ANXA11: variants seen among roughly 807,000 people sequenced by gnomAD.
ANXA11 encodes the protein 56 kDa autoantigen.
A neutral mutation model predicts 64.7 loss-of-function variants in ANXA11; 57 were observed. The ratio of observed to expected loss-of-function variants is 0.88; its 90% CI spans 0.71 to 1.10. ANXA11 has a LOEUF of 1.10. ANXA11 is among the 50% of genes least tolerant of loss of function. The pLI is 0.00. For synonymous variants in ANXA11, 260 were observed against 265.2 expected, an observed-to-expected ratio of 0.98 and a Z score of 0.19; for missense variants, 675 against 670.7, an observed-to-expected ratio of 1.01 and a Z score of -0.07.
In ANXA11 at chr10:80,171,103, G is replaced by A. The variant is rs771002125; in HGVS notation, c.56-188C>T. The stretch of plus-strand genomic sequence containing the variant: ...TCCCCCTATCCCACTGGCAGAGGAG[G>A]GGAAACCTTCCCCTCTTCCCAGGGA... On this transcript the variant is annotated intron_variant, in intron 3 of 15. Transcript: ENST00000422982. The A allele has an allele frequency of 1.3e-5, 19 of 1,507,408 alleles. No individual in the cohort carries two copies. The East Asian group carries it at 4.3e-4, about 34-fold the overall frequency. The allele number at this position is 1,507,408 out of a possible 1,614,324, so 93.4% of individuals were successfully genotyped here.
Position 80,164,081 on chromosome 10 carries a change from G to C in ANXA11, c.921C>G (p.Ile307Met). 1.2e-6 allele frequency: 2 copies of C among 1,614,182 alleles called. No homozygotes were observed. Among genetic ancestry groups the C allele is most frequent in the Non-Finnish European group, 1.7e-6 (2 of 1,180,014 alleles). ...CTTTGTAGGCTCTGTTTAATTCTCG[G>C]ATGTGCTCATTGCTGCGGGAAGCGA... Reference protein sequence around the residue: ...EILASRSNEHIRELNRAYKAE... With the variant: ...EILASRSNEHMRELNRAYKAE... The change falls in exon 9 of 16, where the codon ATC becomes ATG. Residue 307 changes from isoleucine to methionine, a missense_variant. Ile to Met is a conservative substitution (Grantham distance 10). Transcript: ENST00000422982.
rs1282722426 is a variant in ANXA11 at position 80,157,688 on chromosome 10, A to G, written c.1411T>C (p.Ser471Pro). 6.2e-7 allele frequency: 1 copy of G among 1,613,730 alleles called. No homozygotes were observed. Residue 471 changes from serine (S) to proline (P), a missense_variant, in exon 15 of 16, where the codon TCA (serine) becomes CCA (proline). Ser to Pro is a moderately conservative substitution (Grantham distance 74). Transcript: ENST00000422982. ...RSETDLLDIR[S>P]EYKRMYGKSL... Reference sequence around the variant, plus strand: ...TTGCCGTACATCCGCTTATACTCTGATCTGATGTCCAGGAGGTCGGTCTCG... The same window carrying G: ...TTGCCGTACATCCGCTTATACTCTGGTCTGATGTCCAGGAGGTCGGTCTCG...
In ANXA11 at chr10:80,155,534, T is replaced by C. The variant is rs1845242012; in HGVS notation, c.*319A>G. 9 of 351,188 alleles carry C rather than the reference T, an allele frequency of 2.6e-5. No individual in the cohort carries two copies. The highest frequency in any genetic ancestry group is 8.8e-5 in the Admixed American group (2 of 22,718). The allele number at this position is 351,188 out of a possible 1,614,324, so 21.8% of individuals were successfully genotyped here. On this transcript the variant is annotated 3_prime_UTR_variant, in exon 16 of 16. Coordinates refer to ENST00000422982, the MANE Select transcript of ANXA11 (RefSeq NM_145868.2). ...GAAAATATGCCTCCAAATAAAAATA[T>C]ACAATTACATGACGAAATGAAGCCA...
intron 1 of ANXA11, among the ~76,000 whole-genome samples, chr10:80,185,403 G>A (rs952742653): frequency 6.6e-6 from 1 of 152,228 alleles, no homozygotes; most frequent in Admixed American, 6.5e-5. Context: ...GAGACAGGCA[G>A]ACAAGAGCAA....
rs764715158 is a variant in ANXA11 at position 80,169,361 on chromosome 10, G to A, written c.172-3C>T. 1 of 1,603,696 alleles carries A rather than the reference G, an allele frequency of 6.2e-7. No homozygotes were observed. Among genetic ancestry groups the A allele is most frequent in the South Asian group, 1.1e-5 (1 of 90,960 alleles). ...AATGTCCCAGACATGTTGGCCGCCT[G>A]CAAGGACACAAAGCAGAGCCTGAGG... On this transcript the variant is annotated splice_region_variant and splice_polypyrimidine_tract_variant and intron_variant, in intron 4 of 15. Transcript: ENST00000422982.
At chr10:80,203,279 T>G (rs1332670109) in intron 1 of ANXA11, among the ~76,000 whole-genome samples, 1 of 152,028 alleles carries the variant, frequency 6.6e-6, no homozygotes, top group African/African-American at 2.4e-5. Context: ...AAGCCACACA[T>G]CACCTCCCCA....
chr10:80,163,256 G>A, intron 11 of ANXA11, 93 bp downstream of exon 11: 3 of 1,433,698 alleles, frequency 2.1e-6, no homozygotes, highest in Non-Finnish European at 2.9e-6. Context: ...CTTATCTATT[G>A]TTCTTTCCAC....
intron 1 of ANXA11, among the ~76,000 whole-genome samples, chr10:80,202,210 G>GC: frequency 6.6e-6 from 1 of 151,584 alleles, no homozygotes; most frequent in East Asian, 1.9e-4. Flanking sequence ...GGGAAGCGGG[G>GC]GGTCTCTGTG....
rs993674156 is a variant in ANXA11, at chr10:80,151,273, A to T, written c.*4580T>A. 1 of 152,232 alleles carries T rather than the reference A, an allele frequency of 6.6e-6. No individual in the cohort carries two copies. Among genetic ancestry groups the T allele is most frequent in the Non-Finnish European group, 1.5e-5 (1 of 68,066 alleles). 9.4% of individuals were successfully genotyped at this position (152,232 alleles called of 1,614,324 possible). The stretch of plus-strand genomic sequence containing the variant: ...AAACACCAATATTAGGCCAAGGGGC[A>T]GCTTTCCAAGGAGTAGGGGCTGAGG... On this transcript the variant is annotated 3_prime_UTR_variant, in exon 16 of 16. Coordinates refer to ENST00000422982, the MANE Select transcript of ANXA11 (RefSeq NM_145868.2).
chr10:80,169,482 G>A (rs887532008), intron 4 of ANXA11, 124 bp from the exon 5 acceptor site: 9 of 1,137,430 alleles, frequency 7.9e-6, no homozygotes, highest in Non-Finnish European at 1.0e-5. Context: ...ATGAAGTACC[G>A]TTATACCCAT....
chr10:80,159,106 C>G lies in ANXA11; in HGVS notation c.1270G>C (p.Ala424Pro). 1 of 1,613,872 alleles carries G rather than the reference C, an allele frequency of 6.2e-7. No homozygotes were observed. The highest frequency in any genetic ancestry group is 8.5e-7 in the Non-Finnish European group (1 of 1,179,864). ...MSGDLEEGML[A>P]VVKCLKNTPA... ...GCAAACCTGAGACACTTACCCACGG[C>G]CAGCATGCCCTCCTCCAGGTCCCCG... The change falls in exon 13 of 16, where the codon GCC becomes CCC. Residue 424 changes from alanine (A) to proline (P), a missense_variant. Coordinates refer to ENST00000422982, the MANE Select transcript of ANXA11 (RefSeq NM_145868.2).
intron 1 of ANXA11, among the ~76,000 whole-genome samples, chr10:80,180,057 T>C (rs2573352): frequency 0.63 from 96,125 of 152,094 alleles, 31,427 homozygotes; most frequent in African/African-American, 0.8. Context: ...GGCTGCAAAA[T>C]GGCCTGTTCC....
chr10:80,173,783 C>T (rs1846067232), intron 2 of ANXA11, among the ~76,000 whole-genome samples: 2 of 152,236 alleles, frequency 1.3e-5, no homozygotes, highest in African/African-American at 2.4e-5. Context: ...TCAACAATCA[C>T]ACCTGCTCGT....
chr10:80,178,227 C>T (rs1846238719), intron 1 of ANXA11, among the ~76,000 whole-genome samples: 1 of 152,130 alleles, frequency 6.6e-6, no homozygotes, highest in African/African-American at 2.4e-5. Context: ...CTCTCTCTCT[C>T]TCTCTCTGGC....
intron 1 of ANXA11, among the ~76,000 whole-genome samples, chr10:80,179,316 G>A (rs1219252683): frequency 6.6e-6 from 1 of 152,208 alleles, no homozygotes; most frequent in Non-Finnish European, 1.5e-5. Flanking sequence ...CACTTGGAGA[G>A]CTGGCTAAAA....
At chr10:80,173,824 G>A (rs1459778831) in intron 2 of ANXA11, among the ~76,000 whole-genome samples, 2 of 152,104 alleles carry the variant, frequency 1.3e-5, no homozygotes, top group African/African-American at 4.8e-5. Flanking sequence ...TTACACACTG[G>A]GTTTCACGCT....
chr10:80,157,637 G>A lies in ANXA11; in HGVS notation c.1458+4C>T, dbSNP rs79950900. ...AGCCCAGTTGGCCTGCAGCAGGCCC[G>A]TACCGAGATGTCGTGGTACAGCGAC... is the stretch of plus-strand genomic sequence containing the variant. On this transcript the variant is annotated splice_donor_region_variant and intron_variant, in intron 15 of 15. Transcript: ENST00000422982. 9.5e-4 allele frequency: 1,524 copies of A among 1,612,450 alleles called. 7 individuals carry two copies. The African/African-American group carries it at 0.016, about 17-fold the overall frequency.
intron 11 of ANXA11, 36 bp downstream of exon 11, chr10:80,163,313 C>A: frequency 6.2e-7 from 1 of 1,611,674 alleles, no homozygotes; most frequent in Non-Finnish European, 8.5e-7. Context: ...TGCATCCCTG[C>A]TTTAGGAAGT....
At chr10:80,160,997 C>G (rs1412980379) in intron 12 of ANXA11, among the ~76,000 whole-genome samples, 1 of 152,146 alleles carries the variant, frequency 6.6e-6, no homozygotes, top group African/African-American at 2.4e-5. Context: ...TACCACCATT[C>G]CTCCCCGGGT....
Sources: gnomAD v4.1 joint callset for allele counts (sites outside exome capture counted in the v4.1 genomes callset) on GRCh38, gnomAD v4.1.1 for gene constraint, MANE v1.5 for transcripts, NCBI Gene and HGNC (gene_info 2026-07-23, HGNC 2026-07-21) for gene names.